The following RBFOX1 variants were observed in gnomAD, a reference collection of about 807,000 sequenced individuals.
RBFOX1 encodes the protein RNA binding fox-1 homolog 1, also known as RNA binding protein fox-1 homolog 1.
In RBFOX1, 8 loss-of-function variants were observed where a neutral mutation model predicts 57.7. That is an observed-to-expected ratio of 0.14 (90% CI 0.08 to 0.25). The LOEUF is 0.25. Ranked by LOEUF, RBFOX1 falls within the 10% of genes least tolerant of loss-of-function variation. RBFOX1 has a pLI of 1.00. For missense variants in RBFOX1, 611 were observed against 548.5 expected, an observed-to-expected ratio of 1.11 and a Z score of -1.14; for synonymous variants, 326 against 222.4, an observed-to-expected ratio of 1.47 and a Z score of -4.15.
chr16:6,100,602 T>C (rs929410937), intron 1 of RBFOX1, among the ~76,000 whole-genome samples: 5 of 152,198 alleles, frequency 3.3e-5, no homozygotes, highest in Non-Finnish European at 7.3e-5. Flanking sequence ...TCTTTTTTTG[T>C]CACATAATAA....
At chr16:7,332,680 C>A in intron 4 of RBFOX1, 1 of 803,228 alleles carries the variant, frequency 1.2e-6, no homozygotes, top group Non-Finnish European at 1.6e-6. Flanking sequence ...CTGTCTCTCT[C>A]TCTCTCTGAG....
At chr16:7,683,588 C>CT (rs59574277) in intron 14 of RBFOX1, among the ~76,000 whole-genome samples, 3,350 of 152,200 alleles carry the variant, frequency 0.022, 54 homozygotes, top group African/African-American at 0.042. Flanking sequence ...TGGGTAGACA[C>CT]TTTTGCCAGT....
At chr16:7,457,185 C>A (rs571495791) in intron 4 of RBFOX1, among the ~76,000 whole-genome samples, 1 of 152,044 alleles carries the variant, frequency 6.6e-6, no homozygotes, top group Non-Finnish European at 1.5e-5. Flanking sequence ...CCGCGCCTGG[C>A]CTTGGGTATG....
At chr16:5,963,403 A>G (rs2059787455) in intron 4 of RBFOX1, among the ~76,000 whole-genome samples, 1 of 152,240 alleles carries the variant, frequency 6.6e-6, no homozygotes, top group Non-Finnish European at 1.5e-5. Flanking sequence ...GGTTGTACAC[A>G]CAGAAAAAAT....
intron 3 of RBFOX1, among the ~76,000 whole-genome samples, chr16:6,980,767 G>T (rs918584732): frequency 3.3e-5 from 5 of 152,122 alleles, no homozygotes; most frequent in Admixed American, 6.6e-5. Context: ...AATGGAGCAG[G>T]TACAGTAGCT....
At chr16:5,375,513 G>A (rs1055816837) in intron 1 of RBFOX1, among the ~76,000 whole-genome samples, 1 of 152,190 alleles carries the variant, frequency 6.6e-6, no homozygotes, top group African/African-American at 2.4e-5. Flanking sequence ...GGGGGCAGGG[G>A]AGGGAGAGGA....
chr16:7,701,028 C>G (rs144278729), intron 14 of RBFOX1, among the ~76,000 whole-genome samples: 1 of 152,106 alleles, frequency 6.6e-6, no homozygotes, highest in African/African-American at 2.4e-5. Flanking sequence ...CATGTAGGGT[C>G]TAAAAAGCTC....
chr16:6,104,680 C>G (rs577432877), intron 1 of RBFOX1, among the ~76,000 whole-genome samples: 22 of 152,168 alleles, frequency 1.4e-4, no homozygotes, highest in South Asian at 4.2e-4. Context: ...ACTGGTGAGT[C>G]AACAAAACTT....
At chr16:5,838,494 A>C (rs2056530310) in intron 3 of RBFOX1, 1 of 154,812 alleles carries the variant, frequency 6.5e-6, no homozygotes, top group Admixed American at 6.5e-5. Context: ...AGGATGCTGC[A>C]GATGAGCCGG....
intron 2 of RBFOX1, among the ~76,000 whole-genome samples, chr16:5,501,105 C>T (rs900477847): frequency 6.6e-6 from 1 of 152,048 alleles, no homozygotes; most frequent in Non-Finnish European, 1.5e-5. Context: ...CACCTGAGGT[C>T]AGGAGTTTGA....
intron 1 of RBFOX1, among the ~76,000 whole-genome samples, chr16:6,176,480 AAAG>A (rs1203256187): frequency 6.6e-6 from 1 of 151,240 alleles, no homozygotes; most frequent in Admixed American, 6.6e-5. Context: ...GAATTTAGTT[AAAG>A]TTGCTGTGCC....
At chr16:6,426,356 A>C (rs1567244934) in intron 2 of RBFOX1, among the ~76,000 whole-genome samples, 1 of 152,100 alleles carries the variant, frequency 6.6e-6, no homozygotes, top group African/African-American at 2.4e-5. Flanking sequence ...GTAAGAGAAA[A>C]AGAGGGAGGG....
chr16:7,129,803 A>C (rs1473979870), intron 4 of RBFOX1, among the ~76,000 whole-genome samples: 1 of 120,648 alleles, frequency 8.3e-6, no homozygotes, highest in Non-Finnish European at 1.6e-5. Context: ...GAAAAAAAAA[A>C]TGAGTGAATG....
chr16:6,934,881 T>C (rs2077117448), intron 3 of RBFOX1, among the ~76,000 whole-genome samples: 1 of 151,762 alleles, frequency 6.6e-6, no homozygotes, highest in African/African-American at 2.4e-5. Context: ...AGCTCAGGAG[T>C]TTGAGACTAG....
chr16:6,840,897 A>AAAAAG lies in RBFOX1; in HGVS notation c.-16+186251_-16+186252insGAAAA, dbSNP rs1555518573. 5.1e-5 allele frequency among the ~76,000 whole-genome samples: 7 copies of AAAAAG among 137,498 alleles called. 1 individual carries two copies. Among genetic ancestry groups the AAAAAG allele is most frequent in the East Asian group, 4.5e-4 (2 of 4,400 alleles). The allele number at this position is 137,498 out of a possible 152,430, so 90.2% of individuals were successfully genotyped here. ...AGTGAGACTCTGTCTCAAAAAAAAA[A>AAAAAG]AAAAAAACGAAAAAAGGTTTGAGAG... is the stretch of plus-strand genomic sequence containing the variant. On this transcript the variant is annotated intron_variant, in intron 3 of 15. Coordinates refer to ENST00000550418, the MANE Select transcript of RBFOX1 (RefSeq NM_018723.4).
At chr16:6,996,757 C>T (rs1411808982) in intron 3 of RBFOX1, among the ~76,000 whole-genome samples, 1 of 152,128 alleles carries the variant, frequency 6.6e-6, no homozygotes, top group Non-Finnish European at 1.5e-5. Context: ...CACTTTTCTA[C>T]ATGTCAGATA....
intron 2 of RBFOX1, among the ~76,000 whole-genome samples, chr16:6,473,520 A>T (rs79127944): frequency 6.6e-6 from 1 of 152,012 alleles, no homozygotes; most frequent in African/African-American, 2.4e-5. Context: ...AACATAAGCT[A>T]CATGAGGGCT....
At chr16:7,088,788 G>A (rs1336237180) in intron 4 of RBFOX1, among the ~76,000 whole-genome samples, 1 of 152,190 alleles carries the variant, frequency 6.6e-6, no homozygotes, top group Non-Finnish European at 1.5e-5. Flanking sequence ...CAGGTTTAGA[G>A]CAGGTGTTCC....
chr16:6,687,023 A>T (rs2059533619), intron 3 of RBFOX1, among the ~76,000 whole-genome samples: 1 of 152,196 alleles, frequency 6.6e-6, no homozygotes, highest in South Asian at 2.1e-4. Context: ...GCATGGTTAA[A>T]CTCATTTCAG....
Sources: gnomAD v4.1 joint callset for allele counts (sites outside exome capture counted in the v4.1 genomes callset) on GRCh38, gnomAD v4.1.1 for gene constraint, MANE v1.5 for transcripts, NCBI Gene and HGNC (gene_info 2026-07-23, HGNC 2026-07-21) for gene names.